The following G3BP2 variants were observed in gnomAD, a reference collection of about 807,000 sequenced individuals.
G3BP2 encodes the protein ras GTPase-activating protein-binding protein 2.
A neutral mutation model predicts 56.7 loss-of-function variants in G3BP2; 11 were observed. The ratio of observed to expected loss-of-function variants is 0.19; its 90% CI spans 0.12 to 0.32. The LOEUF is 0.32. Among genes scored for constraint, G3BP2 ranks in the 10% least tolerant of loss-of-function variants. G3BP2 has a pLI of 1.00. For synonymous variants in G3BP2, 165 were observed against 191.6 expected, an observed-to-expected ratio of 0.86 and a Z score of 1.15; for missense variants, 340 against 610.9, an observed-to-expected ratio of 0.56 and a Z score of 4.67.
intron 3 of G3BP2, among the ~76,000 whole-genome samples, chr4:75,685,766 T>C (rs1023237235): frequency 6.6e-6 from 1 of 152,208 alleles, no homozygotes; most frequent in Non-Finnish European, 1.5e-5. Flanking sequence ...CAGACATCAC[T>C]CTTCACTGGG....
intron 3 of G3BP2, among the ~76,000 whole-genome samples, chr4:75,697,273 CAAAAAAAAAAAAA>C (rs869037819): frequency 6.9e-5 from 2 of 28,832 alleles, no homozygotes; most frequent in African/African-American, 2.8e-4. Context: ...GACTCTGTCT[CAAAAAAAAAAAAA>C]AAAAAAAAAA....
chr4:75,679,149 C>T (rs1280657456), intron 3 of G3BP2, among the ~76,000 whole-genome samples: 1 of 152,210 alleles, frequency 6.6e-6, no homozygotes, highest in Non-Finnish European at 1.5e-5. Flanking sequence ...CATGCCACTA[C>T]ACCATGTCCT....
chr4:75,667,628 A>G (rs1339887591), intron 1 of G3BP2, among the ~76,000 whole-genome samples: 2 of 152,190 alleles, frequency 1.3e-5, no homozygotes, highest in Non-Finnish European at 2.9e-5. Context: ...GCAGTGGCTC[A>G]TGCCTACTTC....
Position 75,654,005 on chromosome 4 carries a change from TG to T in G3BP2, c.802del (p.His268MetfsTer57). Reference sequence around the variant, plus strand: ...TACCTGTGAGACTGGTGCTTTAACATGGGGTGGAATTCCAGAGGAAGAAACA... The same window carrying T: ...TACCTGTGAGACTGGTGCTTTAACATGGGTGGAATTCCAGAGGAAGAAACA... ...GTVSSSGIPP[H>X]VKAPVSQPRV... On this transcript the variant is annotated frameshift_variant, in exon 8 of 12. Transcript: ENST00000359707. LOFTEE classifies it high-confidence loss of function. 6.4e-7 allele frequency: 1 copy of T among 1,564,260 alleles called. No homozygotes were observed. Among genetic ancestry groups the T allele is most frequent in the Non-Finnish European group, 8.8e-7 (1 of 1,134,780 alleles).
intron 3 of G3BP2, among the ~76,000 whole-genome samples, chr4:75,706,585 T>C (rs763466757): frequency 8.0e-5 from 12 of 149,090 alleles, no homozygotes; most frequent in Non-Finnish European, 1.6e-4. Flanking sequence ...GCTGAGGTAG[T>C]AGAATCGCTT....
intron 9 of G3BP2, 82 bp from the exon 10 acceptor site, chr4:75,647,239 A>T (rs1731303254): frequency 1.1e-6 from 1 of 876,642 alleles, no homozygotes; most frequent in Non-Finnish European, 1.7e-6. Flanking sequence ...AAATCACTTA[A>T]TATTGATATT....
chr4:75,714,570 G>A (rs1205554064), intron 3 of G3BP2, among the ~76,000 whole-genome samples: 3 of 152,126 alleles, frequency 2.0e-5, no homozygotes, highest in Non-Finnish European at 4.4e-5. Flanking sequence ...GAAGGTTGCA[G>A]TGAGCCAAGA....
At position 75,643,441 on chromosome 4, in the gene G3BP2, C is replaced by T. The variant is rs1262863999; in HGVS notation, c.*1989G>A. ...CAAAGTAATTTTCTGGTAAGAATTT[C>T]AAGTACTATATCAGAAAGTATAAAA... On this transcript the variant is annotated 3_prime_UTR_variant, in exon 12 of 12. Transcript: ENST00000359707. 6.7e-6 allele frequency: 1 copy of T among 148,710 alleles called. No individual in the cohort carries two copies. Among genetic ancestry groups the T allele is most frequent in the African/African-American group, 2.5e-5 (1 of 40,214 alleles). 9.2% of individuals were successfully genotyped at this position (148,710 alleles called of 1,614,324 possible). A position where few individuals can be genotyped will look rare whatever the true frequency, so the allele number is the denominator to read the frequency against.
upstream of G3BP2, among the ~76,000 whole-genome samples, chr4:75,676,974 G>A (rs1015960237): frequency 7.9e-5 from 12 of 151,868 alleles, no homozygotes; most frequent in Non-Finnish European, 1.8e-4. Context: ...ACCACCCCAA[G>A]GCCTTTAATG....
chr4:75,722,804 T>G (rs1162458995), intron 1 of G3BP2, among the ~76,000 whole-genome samples: 1 of 152,170 alleles, frequency 6.6e-6, no homozygotes, highest in Non-Finnish European at 1.5e-5. Context: ...AGGAAACACA[T>G]AGCTTATGAT....
At chr4:75,673,081 T>C (rs1428809609) in intron 1 of G3BP2, 127 bp downstream of exon 1, 2 of 1,025,026 alleles carry the variant, frequency 2.0e-6, no homozygotes, top group Non-Finnish European at 2.3e-6. Flanking sequence ...GCAAGAACAA[T>C]GTCTCTGCCG....
intron 2 of G3BP2, among the ~76,000 whole-genome samples, chr4:75,721,264 T>G (rs1720167248): frequency 6.6e-6 from 1 of 151,274 alleles, no homozygotes. Flanking sequence ...TTTTTTTTTT[T>G]TTGGGACAGG....
chr4:75,655,427 A>G (rs185560955), intron 6 of G3BP2, among the ~76,000 whole-genome samples, 181 bp from the exon 7 acceptor site: 1 of 152,326 alleles, frequency 6.6e-6, no homozygotes, highest in African/African-American at 2.4e-5. Flanking sequence ...CTCAAGTAGC[A>G]GTTCTTTAAT....
At chr4:75,703,064 T>G (rs1288853249) in intron 3 of G3BP2, among the ~76,000 whole-genome samples, 1 of 152,174 alleles carries the variant, frequency 6.6e-6, no homozygotes, top group Admixed American at 6.5e-5. Context: ...CGATGCTAAG[T>G]AGGCACTCAG....
At chr4:75,713,335 T>C (rs1719822492) in intron 3 of G3BP2, among the ~76,000 whole-genome samples, 1 of 152,154 alleles carries the variant, frequency 6.6e-6, no homozygotes, top group South Asian at 2.1e-4. Context: ...TATGAAAGGA[T>C]GCTAAAATTG....
chr4:75,648,045 T>C (rs1293468180), intron 9 of G3BP2, among the ~76,000 whole-genome samples: 1 of 152,184 alleles, frequency 6.6e-6, no homozygotes, highest in Non-Finnish European at 1.5e-5. Flanking sequence ...AGCTTGGTTT[T>C]GAACTCTTAA....
Position 75,648,849 on chromosome 4 carries a change from T to C in G3BP2, c.826-108A>G, listed in dbSNP as rs891049784. 16 of 633,250 alleles carry C rather than the reference T, an allele frequency of 2.5e-5. No individual in the cohort carries two copies. The Admixed American group carries it at 3.2e-4, about 13-fold the overall frequency. The allele number at this position is 633,250 out of a possible 1,614,324, so 39.2% of individuals were successfully genotyped here. A position where few individuals can be genotyped will look rare whatever the true frequency, so the allele number is the denominator to read the frequency against. On this transcript the variant is annotated intron_variant, in intron 8 of 11. Coordinates refer to ENST00000359707, the MANE Select transcript of G3BP2 (RefSeq NM_203505.3). The stretch of plus-strand genomic sequence containing the variant: ...GCAGACATAACAGTAGTTTTAAGTT[T>C]AGAATGTTTTTAACATAGTGTCCTA...
upstream of G3BP2, among the ~76,000 whole-genome samples, chr4:75,674,720 T>TATATA (rs33996257): frequency 1.1e-3 from 61 of 54,548 alleles, no homozygotes; most frequent in East Asian, 5.0e-3. Context: ...ATATATATAT[T>TATATA]TTTTTTTTTT....
At chr4:75,655,377 A>G (rs978675621) in intron 6 of G3BP2, 131 bp from the exon 7 acceptor site, 1 of 679,322 alleles carries the variant, frequency 1.5e-6, no homozygotes, top group Non-Finnish European at 2.5e-6. Flanking sequence ...TATTCAAAGC[A>G]AAATTCCAAA....
Sources: gnomAD v4.1 joint callset for allele counts (sites outside exome capture counted in the v4.1 genomes callset) on GRCh38, gnomAD v4.1.1 for gene constraint, MANE v1.5 for transcripts, NCBI Gene and HGNC (gene_info 2026-07-23, HGNC 2026-07-21) for gene names.